SUGCT: variants seen among roughly 807,000 people sequenced by gnomAD.
SUGCT encodes succinyl-CoA:glutarate-CoA transferase.
In SUGCT, 41 loss-of-function variants were observed where a neutral mutation model predicts 55.0. The observed-to-expected ratio is 0.74, with a 90% CI of 0.58 to 0.97. The LOEUF is 0.97. Among genes scored for constraint, SUGCT ranks in the 50% least tolerant of loss-of-function variants. The probability of loss-of-function intolerance (pLI) is 0.00; values close to 1 mark genes in which losing one functional copy is unlikely to be tolerated. For synonymous variants in SUGCT, 187 were observed against 200.4 expected (o/e 0.93, Z 0.56); for missense variants, 568 against 547.8 (o/e 1.04, Z -0.37).
In SUGCT at chr7:40,186,099, C is replaced by T. The variant is rs553800193; in HGVS notation, c.227-2396C>T. On this transcript the variant is annotated intron_variant, in intron 3 of 13. Transcript: ENST00000335693. ...TTTCTTTCTCTCTTTTTCTTCCTTC[C>T]TTCCTTCCTTCCTTCCTTCCTTTCT... Among the ~76,000 whole-genome samples, 3 of 145,340 alleles carry T rather than the reference C, an allele frequency of 2.1e-5. No homozygotes were observed. The South Asian group carries it at 6.6e-4, about 32-fold the overall frequency.
At chr7:40,883,047 G>T in the SUGCT span, among the ~76,000 whole-genome samples, 60 of 152,214 alleles carry the variant, frequency 3.9e-4, no homozygotes, top group South Asian at 1.5e-3. Context: ...CAACACTTTG[G>T]TTTAGTTGTC....
At chr7:41,017,639 C>A in the SUGCT span, among the ~76,000 whole-genome samples, 7 of 151,940 alleles carry the variant, frequency 4.6e-5, no homozygotes, top group Admixed American at 4.6e-4. Flanking sequence ...GGCGTGGTGG[C>A]GGGTGCCTAT....
chr7:40,558,027 A>C (rs1180498917), intron 12 of SUGCT, among the ~76,000 whole-genome samples: 1 of 152,062 alleles, frequency 6.6e-6, no homozygotes, highest in Non-Finnish European at 1.5e-5. Flanking sequence ...CCACATTATT[A>C]GTCATTAAGG....
intron 8 of SUGCT, among the ~76,000 whole-genome samples, chr7:40,286,915 T>C (rs536936730): frequency 1.3e-5 from 2 of 152,104 alleles, no homozygotes; most frequent in Non-Finnish European, 2.9e-5. Context: ...TAGTGTTGTT[T>C]TGGTGGAATG....
intron 10 of SUGCT, 26 bp downstream of exon 10, chr7:40,449,384 C>T (rs770217227): frequency 9.2e-5 from 145 of 1,570,532 alleles, no homozygotes; most frequent in Non-Finnish European, 1.2e-4. Context: ...TGGGATTGGT[C>T]GATGATTTTG....
chr7:40,314,590 G>A (rs1338465386), intron 8 of SUGCT, among the ~76,000 whole-genome samples: 3 of 100,060 alleles, frequency 3.0e-5, no homozygotes, highest in Non-Finnish European at 4.1e-5. Context: ...TTAAGACAGA[G>A]TTTCGCTCTC....
intron 12 of SUGCT, among the ~76,000 whole-genome samples, chr7:40,543,075 C>T (rs1479865133): frequency 1.3e-5 from 2 of 152,114 alleles, no homozygotes; most frequent in Non-Finnish European, 1.5e-5. Flanking sequence ...CAACAAAAGC[C>T]AAAATGTCCA....
At chr7:40,576,036 C>T (rs879885656) in intron 12 of SUGCT, among the ~76,000 whole-genome samples, 21 of 151,896 alleles carry the variant, frequency 1.4e-4, no homozygotes, top group Non-Finnish European at 2.5e-4. Flanking sequence ...CACTGAGTTG[C>T]GACTGTCAGT....
intron 12 of SUGCT, among the ~76,000 whole-genome samples, chr7:40,673,444 T>C (rs1223571292): frequency 6.6e-6 from 1 of 152,246 alleles, no homozygotes; most frequent in Non-Finnish European, 1.5e-5. Flanking sequence ...TAGTTTCTTC[T>C]TCTGTGGATG....
chr7:41,006,165 C>A, the SUGCT span, among the ~76,000 whole-genome samples: 1 of 152,204 alleles, frequency 6.6e-6, no homozygotes. Flanking sequence ...TGATCTTGGC[C>A]TTTCAAGCGC....
intron 12 of SUGCT, among the ~76,000 whole-genome samples, chr7:40,537,821 A>G (rs897566060): frequency 5.3e-5 from 8 of 152,228 alleles, no homozygotes; most frequent in Non-Finnish European, 2.9e-5. Context: ...ACATGGTCAC[A>G]TGAGGCTAAT....
intron 12 of SUGCT, among the ~76,000 whole-genome samples, chr7:40,731,810 A>G (rs1786902808): frequency 6.6e-6 from 1 of 152,222 alleles, no homozygotes; most frequent in Non-Finnish European, 1.5e-5. Flanking sequence ...AATAGCTGCA[A>G]TAGAATACCA....
chr7:40,546,425 A>G (rs904712404), intron 12 of SUGCT, among the ~76,000 whole-genome samples: 1 of 152,178 alleles, frequency 6.6e-6, no homozygotes, highest in Non-Finnish European at 1.5e-5. Context: ...TAATAAAGTA[A>G]TTGATATTGT....
chr7:41,015,932 C>G, the SUGCT span, among the ~76,000 whole-genome samples: 1 of 151,544 alleles, frequency 6.6e-6, no homozygotes, highest in Non-Finnish European at 1.5e-5. Context: ...GAGGGGTGTG[C>G]TGGGAAGGAC....
At chr7:40,467,400 TG>T (rs1790181212) in intron 11 of SUGCT, among the ~76,000 whole-genome samples, 3 of 152,168 alleles carry the variant, frequency 2.0e-5, no homozygotes, top group Admixed American at 1.3e-4. Context: ...ATCATTATAA[TG>T]GGGGTATCCA....
intron 7 of SUGCT, among the ~76,000 whole-genome samples, chr7:40,274,107 G>A (rs1268261740): frequency 1.2e-4 from 11 of 93,926 alleles, no homozygotes; most frequent in Admixed American, 1.6e-4. Context: ...TTGTGAGAGA[G>A]CCTCTCACCC....
At chr7:40,197,298 T>G (rs978397961) in intron 6 of SUGCT, among the ~76,000 whole-genome samples, 1 of 152,226 alleles carries the variant, frequency 6.6e-6, no homozygotes, top group Non-Finnish European at 1.5e-5. Flanking sequence ...AGGGAGAGAT[T>G]TTTTTCCATC....
At chr7:40,237,393 G>A (rs1209502288) in intron 6 of SUGCT, among the ~76,000 whole-genome samples, 1 of 151,930 alleles carries the variant, frequency 6.6e-6, no homozygotes, top group Admixed American at 6.6e-5. Context: ...GCAGTGAGCC[G>A]AGATCGAACC....
chr7:40,289,368 T>C (rs1793578039), intron 8 of SUGCT, among the ~76,000 whole-genome samples: 1 of 152,198 alleles, frequency 6.6e-6, no homozygotes, highest in Non-Finnish European at 1.5e-5. Flanking sequence ...GTTTTTTTCC[T>C]AGGTATGCAT....
Sources: gnomAD v4.1 joint callset for allele counts (sites outside exome capture counted in the v4.1 genomes callset) on GRCh38, gnomAD v4.1.1 for gene constraint, MANE v1.5 for transcripts, NCBI Gene and HGNC (gene_info 2026-07-23, HGNC 2026-07-21) for gene names.